Variants in ACBD6 observed in about 807,000 individuals in gnomAD.
ACBD6 encodes acyl-CoA-binding domain-containing protein 6.
A neutral mutation model predicts 37.2 loss-of-function variants in ACBD6; 28 were observed. That is an observed-to-expected ratio of 0.75 (90% CI 0.56 to 1.03). ACBD6 has a LOEUF of 1.03. Among genes scored for constraint, ACBD6 ranks in the 50% least tolerant of loss-of-function variants. The pLI is 0.00. For synonymous variants in ACBD6, 113 were observed against 126.8 expected (o/e 0.89, Z 0.73); for missense variants, 340 against 337.4 (o/e 1.01, Z -0.06).
intron 6 of ACBD6, among the ~76,000 whole-genome samples, chr1:180,364,804 G>A (rs1652989591): frequency 1.3e-5 from 2 of 150,284 alleles, no homozygotes; most frequent in East Asian, 4.0e-4. Flanking sequence ...CGCGATCTTG[G>A]CTCACTGCAA....
At chr1:180,480,327 G>A (rs967681101) in intron 3 of ACBD6, among the ~76,000 whole-genome samples, 4 of 152,060 alleles carry the variant, frequency 2.6e-5, no homozygotes, top group Non-Finnish European at 5.9e-5. Context: ...AGGCAGTAGG[G>A]GTAGAAAGAA....
At chr1:180,365,013 A>G (rs1463593917) in intron 6 of ACBD6, among the ~76,000 whole-genome samples, 1 of 152,096 alleles carries the variant, frequency 6.6e-6, no homozygotes, top group African/African-American at 2.4e-5. Context: ...GATTACGGGC[A>G]TGAGCCACCG....
At position 180,502,291 on chromosome 1, in the gene ACBD6, T is replaced by A. The variant is rs754637944; in HGVS notation, c.-25A>T. The A allele has an allele frequency of 1.9e-6, 3 of 1,610,728 alleles. No homozygotes were observed. Among genetic ancestry groups the A allele is most frequent in the Non-Finnish European group, 2.5e-6 (3 of 1,179,342 alleles). On this transcript the variant is annotated 5_prime_UTR_variant, in exon 1 of 8. Coordinates refer to ENST00000367595, the MANE Select transcript of ACBD6 (RefSeq NM_032360.4). ...TGTCTCCTTGCTCGCTCCGTCCCTC[T>A]GTGTCCGGTCTGTCCTCCTTGGATT...
intron 3 of ACBD6, among the ~76,000 whole-genome samples, chr1:180,460,810 A>G (rs1296361130): frequency 1.3e-5 from 2 of 152,230 alleles, no homozygotes; most frequent in Non-Finnish European, 2.9e-5. Flanking sequence ...GCACAAAAAC[A>G]CAGAAAACTC....
chr1:180,436,291 T>C (rs765416555), intron 3 of ACBD6, among the ~76,000 whole-genome samples: 25 of 152,216 alleles, frequency 1.6e-4, no homozygotes, highest in African/African-American at 5.8e-4. Context: ...TTCCTGAGAA[T>C]TGAACCTTGT....
intron 6 of ACBD6, among the ~76,000 whole-genome samples, chr1:180,335,255 C>T (rs1003905938): frequency 3.3e-5 from 5 of 152,010 alleles, no homozygotes; most frequent in Non-Finnish European, 5.9e-5. Context: ...TAAGGGCGGC[C>T]AGAGAGAAAG....
At chr1:180,303,413 A>G in intron 7 of ACBD6, among the ~76,000 whole-genome samples, 1 of 150,790 alleles carries the variant, frequency 6.6e-6, no homozygotes, top group East Asian at 1.9e-4. Flanking sequence ...ATAAAAAATG[A>G]TAAAGGGGAC....
intron 3 of ACBD6, among the ~76,000 whole-genome samples, chr1:180,454,664 TAAAC>T (rs1649846536): frequency 6.6e-6 from 1 of 151,806 alleles, no homozygotes; most frequent in Non-Finnish European, 1.5e-5. Flanking sequence ...ACAAGGAACT[TAAAC>T]AAATTTACAA....
At chr1:180,365,825 C>T (rs772838984) in intron 6 of ACBD6, among the ~76,000 whole-genome samples, 13 of 152,126 alleles carry the variant, frequency 8.5e-5, no homozygotes, top group Non-Finnish European at 1.3e-4. Context: ...AATTATTTCA[C>T]GGAAAAATTA....
chr1:180,397,292 G>C (rs982267175), intron 6 of ACBD6, among the ~76,000 whole-genome samples: 1 of 152,078 alleles, frequency 6.6e-6, no homozygotes, highest in South Asian at 2.1e-4. Flanking sequence ...GGCAAGGGGA[G>C]AAATAAAAAA....
chr1:180,293,243 G>A (rs1385321964), intron 7 of ACBD6, among the ~76,000 whole-genome samples: 1 of 151,794 alleles, frequency 6.6e-6, no homozygotes, highest in East Asian at 1.9e-4. Flanking sequence ...CACAGAATGA[G>A]CTGGGCAGTG....
At chr1:180,415,115 A>G (rs1363498927) in intron 4 of ACBD6, among the ~76,000 whole-genome samples, 2 of 151,762 alleles carry the variant, frequency 1.3e-5, no homozygotes, top group Non-Finnish European at 2.9e-5. Flanking sequence ...CAAAAAACAA[A>G]CAAACAAAAA....
At chr1:180,322,741 CTT>C (rs550001607) in intron 6 of ACBD6, among the ~76,000 whole-genome samples, 3 of 140,988 alleles carry the variant, frequency 2.1e-5, no homozygotes, top group African/African-American at 2.6e-5. Flanking sequence ...TGGGTCTTCT[CTT>C]TTTTTTTTTT....
intron 4 of ACBD6, among the ~76,000 whole-genome samples, chr1:180,417,700 G>C (rs1035031786): frequency 8.6e-5 from 13 of 151,994 alleles, no homozygotes; most frequent in African/African-American, 3.1e-4. Flanking sequence ...TTGATCTACG[G>C]ATCTTTTTTC....
chr1:180,334,451 G>A (rs558978737), intron 6 of ACBD6, among the ~76,000 whole-genome samples: 2 of 152,222 alleles, frequency 1.3e-5, no homozygotes, highest in Admixed American at 6.5e-5. Flanking sequence ...TGCAGCTGAA[G>A]GTCCTGACTG....
intron 6 of ACBD6, among the ~76,000 whole-genome samples, chr1:180,385,432 T>C (rs897565545): frequency 6.7e-6 from 1 of 150,064 alleles, no homozygotes; most frequent in Non-Finnish European, 1.5e-5. Flanking sequence ...ACACTGTTTA[T>C]AAGAGACATG....
At chr1:180,410,917 T>C (rs1365721071) in intron 5 of ACBD6, among the ~76,000 whole-genome samples, 1 of 152,238 alleles carries the variant, frequency 6.6e-6, no homozygotes, top group African/African-American at 2.4e-5. Flanking sequence ...GAAAACCTTC[T>C]GGAAAGGATT....
At chr1:180,387,691 G>A (rs1653898354) in intron 6 of ACBD6, among the ~76,000 whole-genome samples, 1 of 151,360 alleles carries the variant, frequency 6.6e-6, no homozygotes, top group African/African-American at 2.4e-5. Context: ...CAAGCAAGGG[G>A]GTGGCATATT....
intron 3 of ACBD6, among the ~76,000 whole-genome samples, chr1:180,464,710 G>C (rs1650281589): frequency 1.3e-5 from 2 of 151,848 alleles, no homozygotes; most frequent in Admixed American, 1.3e-4. Flanking sequence ...GAACCAAAAA[G>C]AGGGCCCAAA....
Sources: gnomAD v4.1 joint callset for allele counts (sites outside exome capture counted in the v4.1 genomes callset) on GRCh38, gnomAD v4.1.1 for gene constraint, MANE v1.5 for transcripts, NCBI Gene and HGNC (gene_info 2026-07-23, HGNC 2026-07-21) for gene names.